Variants in NKIRAS1 observed in about 807,000 individuals in gnomAD.
The protein encoded by NKIRAS1 is NF-kappa-B inhibitor-interacting Ras-like protein 1.
NKIRAS1 carries 16 observed loss-of-function variants against 19.8 expected under a neutral mutation model. That is an observed-to-expected ratio of 0.81 (90% CI 0.55 to 1.23). NKIRAS1 has a LOEUF of 1.23. Ranked by LOEUF, NKIRAS1 falls within the 50% of genes most tolerant of loss-of-function variation. The pLI is 0.00. For missense variants in NKIRAS1, 184 were observed against 220.0 expected (o/e 0.84, Z 1.04); for synonymous variants, 88 against 79.0 (o/e 1.11, Z -0.61).
intron 1 of NKIRAS1, among the ~76,000 whole-genome samples, chr3:23,930,329 T>C (rs928752280): frequency 6.6e-6 from 1 of 152,154 alleles, no homozygotes; most frequent in Non-Finnish European, 1.5e-5. Flanking sequence ...AGCCCAGCAC[T>C]TTGGGTTGGA....
chr3:23,918,183 C>G, upstream of NKIRAS1: 1 of 1,054,866 alleles, frequency 9.5e-7, no homozygotes, highest in Admixed American at 2.9e-5. Context: ...ACTGTATGCA[C>G]TGTTGTCTAA....
At chr3:23,907,086 G>A (rs1559505144) in intron 3 of NKIRAS1, among the ~76,000 whole-genome samples, 1 of 151,920 alleles carries the variant, frequency 6.6e-6, no homozygotes, top group Non-Finnish European at 1.5e-5. Flanking sequence ...TAGAGATGGG[G>A]TTTCGCCATG....
At chr3:23,930,383 C>T (rs1001748248) in intron 1 of NKIRAS1, among the ~76,000 whole-genome samples, 1 of 152,088 alleles carries the variant, frequency 6.6e-6, no homozygotes, top group Non-Finnish European at 1.5e-5. Context: ...GATGATGTGT[C>T]TGAAGCTAGT....
chr3:23,918,201 A>T, upstream of NKIRAS1: 1 of 975,122 alleles, frequency 1.0e-6, no homozygotes, highest in Non-Finnish European at 1.5e-6. Context: ...TAAAGTGGCA[A>T]GTGTGTCAAA....
intron 1 of NKIRAS1, chr3:23,923,414 T>G (rs1705150470): frequency 6.6e-6 from 1 of 152,158 alleles, no homozygotes; most frequent in Non-Finnish European, 1.5e-5. Context: ...AGACGGGGTT[T>G]CACCATTTTG....
At chr3:23,909,499 C>A (rs1422400994) in intron 3 of NKIRAS1, among the ~76,000 whole-genome samples, 2 of 152,162 alleles carry the variant, frequency 1.3e-5, no homozygotes, top group Non-Finnish European at 2.9e-5. Flanking sequence ...TGCACTCAAG[C>A]CTGGGAGACA....
chr3:23,890,603 A>G lies in NKIRAS1; in HGVS notation c.*2492T>C. 6 of 1,612,914 alleles carry G rather than the reference A, an allele frequency of 3.7e-6. No homozygotes were observed. The South Asian group carries it at 5.5e-5, about 15-fold the overall frequency. ...GACAGTGGACCAAGAGATACGCTACATAAATTGGGGTTTCACAATTCTTAC... is the reference window on the plus strand; with the variant it reads ...GACAGTGGACCAAGAGATACGCTACGTAAATTGGGGTTTCACAATTCTTAC... On this transcript the variant is annotated 3_prime_UTR_variant, in exon 5 of 5. Coordinates refer to ENST00000425478, the MANE Select transcript of NKIRAS1 (RefSeq NM_020345.4).
At chr3:23,916,202 A>T (rs1704387674) in intron 1 of NKIRAS1, 2 of 152,248 alleles carry the variant, frequency 1.3e-5, no homozygotes, top group Non-Finnish European at 2.9e-5. Flanking sequence ...AGCCTTTGCC[A>T]CATCTGAACG....
intron 3 of NKIRAS1, among the ~76,000 whole-genome samples, chr3:23,910,426 A>G (rs1703583024): frequency 6.6e-6 from 1 of 152,198 alleles, no homozygotes; most frequent in Admixed American, 6.5e-5. Context: ...AAGTGCTGGA[A>G]TTACAGGCCT....
At chr3:23,921,565 AT>A (rs1409927973), upstream of NKIRAS1, 1 of 595,112 alleles carries the variant, frequency 1.7e-6, no homozygotes, top group Non-Finnish European at 3.0e-6. Flanking sequence ...AACATTGATT[AT>A]TGAGTTTTTT....
chr3:23,920,666 ATCTTC>A (rs1224733734), upstream of NKIRAS1: 2 of 985,116 alleles, frequency 2.0e-6, no homozygotes, highest in African/African-American at 3.5e-5. Flanking sequence ...ATTTTCTCCT[ATCTTC>A]TCTAGGGGTT....
intron 3 of NKIRAS1, among the ~76,000 whole-genome samples, chr3:23,910,387 T>G (rs1311881083): frequency 6.7e-6 from 1 of 148,584 alleles, no homozygotes; most frequent in Non-Finnish European, 1.5e-5. Context: ...ACTCCTGACA[T>G]CAGGTGATCC....
Position 23,890,453 on chromosome 3 carries a change from A to G in NKIRAS1, c.*2642T>C, listed in dbSNP as rs1163544410. The G allele has an allele frequency of 5.1e-5, 80 of 1,561,630 alleles. No homozygotes were observed. The highest frequency in any genetic ancestry group is 6.5e-5 in the Non-Finnish European group (74 of 1,147,146). On this transcript the variant is annotated 3_prime_UTR_variant, in exon 5 of 5. Transcript: ENST00000425478. ...TCTACCCAAGCTGTCACTATTCGCTAAAGTTTAAAATGTTCTTTTCCTTTC... is the reference window on the plus strand; with the variant it reads ...TCTACCCAAGCTGTCACTATTCGCTGAAGTTTAAAATGTTCTTTTCCTTTC...
intron 3 of NKIRAS1, among the ~76,000 whole-genome samples, chr3:23,904,770 T>A (rs1463606376): frequency 6.6e-6 from 1 of 152,166 alleles, no homozygotes. Flanking sequence ...GAGACACACC[T>A]TCTATGAATC....
Position 23,890,432 on chromosome 3 carries a change from C to A in NKIRAS1, c.*2663G>T. The A allele has an allele frequency of 7.1e-7, 1 of 1,411,364 alleles. No homozygotes were observed. 87.4% of individuals were successfully genotyped at this position (1,411,364 alleles called of 1,614,324 possible). On this transcript the variant is annotated 3_prime_UTR_variant, in exon 5 of 5. Transcript: ENST00000425478. ...ACACATACTTTGTCGTACGTATCTA[C>A]CCAAGCTGTCACTATTCGCTAAAGT... is the stretch of plus-strand genomic sequence containing the variant.
At chr3:23,943,822 A>C (rs1312975413) in intron 1 of NKIRAS1, among the ~76,000 whole-genome samples, 3 of 152,270 alleles carry the variant, frequency 2.0e-5, no homozygotes, top group African/African-American at 7.2e-5. Flanking sequence ...TTTGGGTATC[A>C]AGACAGCCTT....
chr3:23,904,284 T>A (rs1702805845), intron 3 of NKIRAS1, among the ~76,000 whole-genome samples: 1 of 152,232 alleles, frequency 6.6e-6, no homozygotes, highest in African/African-American at 2.4e-5. Flanking sequence ...AATTTCTTTC[T>A]CACAGTTCTG....
rs1351652415 is a variant in NKIRAS1, at chr3:23,892,490, A to C, written c.*605T>G. The C allele has an allele frequency of 6.6e-6, 1 of 152,214 alleles. No individual in the cohort carries two copies. Among genetic ancestry groups the C allele is most frequent in the Non-Finnish European group, 1.5e-5 (1 of 68,044 alleles). The allele number at this position is 152,214 out of a possible 1,614,324, so 9.4% of individuals were successfully genotyped here. ...AACGGCCTTAGAGCGTGATGAACCT[A>C]CTTAACACTACCTGGTACCTCAACT... On this transcript the variant is annotated 3_prime_UTR_variant, in exon 5 of 5. Coordinates refer to ENST00000425478, the MANE Select transcript of NKIRAS1 (RefSeq NM_020345.4).
intron 3 of NKIRAS1, among the ~76,000 whole-genome samples, chr3:23,906,158 CAAAAAAAAAAA>C (rs377092022): frequency 1.0e-5 from 1 of 98,842 alleles, no homozygotes; most frequent in Admixed American, 1.2e-4. Flanking sequence ...GACTCCGTCT[CAAAAAAAAAAA>C]AAAAAAAAAC....
Sources: allele counts gnomAD v4.1 joint callset (sites outside exome capture counted in the v4.1 genomes callset), GRCh38; gene constraint gnomAD v4.1.1; transcripts MANE v1.5; gene names NCBI Gene and HGNC (gene_info 2026-07-23, HGNC 2026-07-21).